Variants in SEM1 observed in about 807,000 individuals in gnomAD.
The protein encoded by SEM1 is 26S proteasome complex subunit SEM1.
A neutral mutation model predicts 12.7 loss-of-function variants in SEM1; 3 were observed. The ratio of observed to expected loss-of-function variants is 0.24; its 90% CI spans 0.11 to 0.61. The LOEUF (loss-of-function observed/expected upper bound fraction) is 0.61, where lower values mean the gene tolerates loss of function less well. Among genes scored for constraint, SEM1 ranks in the 20% least tolerant of loss-of-function variants. The pLI, the probability that SEM1 is intolerant of heterozygous loss-of-function variation, is 0.88. For missense variants in SEM1, 59 were observed against 81.3 expected, an observed-to-expected ratio of 0.73 and a Z score of 1.06; for synonymous variants, 30 against 27.8, an observed-to-expected ratio of 1.08 and a Z score of -0.25.
intron 1 of SEM1, chr7:96,708,111 T>C (rs1335178673): frequency 6.6e-6 from 1 of 152,186 alleles, no homozygotes; most frequent in African/African-American, 2.4e-5. Flanking sequence ...AAGAATGCTA[T>C]TTGAAGTATT....
At chr7:96,695,050 C>G in intron 1 of SEM1, 159 bp from the exon 2 acceptor site, 1 of 447,054 alleles carries the variant, frequency 2.2e-6, no homozygotes, top group South Asian at 6.0e-5. Context: ...CTTATGCTGT[C>G]TAGTTCTCTC....
chr7:96,664,758 C>T (rs1789122284), intron 2 of SEM1, among the ~76,000 whole-genome samples: 1 of 152,116 alleles, frequency 6.6e-6, no homozygotes, highest in Non-Finnish European at 1.5e-5. Flanking sequence ...TGTTCATAGC[C>T]ACATAGTGCA....
chr7:96,631,683 C>A (rs760460805), intron 2 of SEM1, among the ~76,000 whole-genome samples: 50 of 152,236 alleles, frequency 3.3e-4, no homozygotes, highest in Middle Eastern at 3.4e-3. Flanking sequence ...GCAATGGCAA[C>A]AAAAGCCAAA....
At position 96,483,538 on chromosome 7, in the gene SEM1, A is replaced by C. The variant is rs987323356; in HGVS notation, c.*321T>G. 122 of 339,710 alleles carry C rather than the reference A, an allele frequency of 3.6e-4. 2 individuals carry two copies. Among genetic ancestry groups the C allele is most frequent in the South Asian group, 1.3e-3 (47 of 37,292 alleles). The allele number at this position is 339,710 out of a possible 1,614,324, so 21.0% of individuals were successfully genotyped here. ...TTTCTCACTCACCCTACATGTCCAT[A>C]TTGCATCAGCTACAGACTCTACTGG... On this transcript the variant is annotated 3_prime_UTR_variant, in exon 4 of 4. Coordinates refer to the SEM1 transcript ENST00000356686.
chr7:96,607,577 A>C lies in SEM1; in HGVS notation c.170+87221T>G, dbSNP rs189585512. On this transcript the variant is annotated intron_variant and NMD_transcript_variant, in intron 2 of 3. Coordinates refer to the SEM1 transcript ENST00000466986. ...CTTAAGGACTTTATAATTCAATTGA[A>C]TAAAGTAGAGAAACAACTAGGTAAT... 6.4e-4 allele frequency among the ~76,000 whole-genome samples: 96 copies of C among 151,068 alleles called. 1 individual carries two copies. The highest frequency in any genetic ancestry group is 1.5e-4 in the Non-Finnish European group (10 of 67,870).
chr7:96,649,846 T>A (rs1222512242), intron 2 of SEM1: 1 of 152,050 alleles, frequency 6.6e-6, no homozygotes, highest in East Asian at 1.9e-4. Flanking sequence ...AAACCAAGAG[T>A]GAGAGAGGTT....
chr7:96,560,112 TTCCTA>T (rs749089822), intron 2 of SEM1, among the ~76,000 whole-genome samples: 228 of 152,336 alleles, frequency 1.5e-3, no homozygotes, highest in Non-Finnish European at 2.6e-3. Flanking sequence ...TTGCTTCAGA[TTCCTA>T]TTATAAATAG....
intron 2 of SEM1, among the ~76,000 whole-genome samples, chr7:96,683,206 T>C (rs1789667708): frequency 1.3e-5 from 2 of 150,010 alleles, no homozygotes; most frequent in Admixed American, 1.3e-4. Context: ...CTAGAAATAC[T>C]AGAAAAGTGG....
At chr7:96,607,618 C>CA (rs371320321) in intron 2 of SEM1, among the ~76,000 whole-genome samples, 1 of 734 alleles carries the variant, frequency 1.4e-3, no homozygotes, top group Admixed American at 0.071. Context: ...TAGCCAGCCA[C>CA]CCCACCTCAT....
chr7:96,614,831 T>C lies in SEM1; in HGVS notation c.170+79967A>G, dbSNP rs1345763676. On this transcript the variant is annotated intron_variant and NMD_transcript_variant, in intron 2 of 3. Transcript: ENST00000466986. ...GCCTTTTGCACAAATATATGTCATG[T>C]GCACACATATGTGCACACACACATA... is the stretch of plus-strand genomic sequence containing the variant. 2.6e-5 allele frequency among the ~76,000 whole-genome samples: 4 copies of C among 152,242 alleles called. No individual in the cohort carries two copies. In the East Asian group the frequency reaches 5.8e-4, roughly 22 times the overall value.
intron 2 of SEM1, among the ~76,000 whole-genome samples, chr7:96,605,857 T>G (rs1487839474): frequency 6.6e-6 from 1 of 152,190 alleles, no homozygotes; most frequent in Admixed American, 6.5e-5. Context: ...TTGCATTCTC[T>G]TCTGAGTAGT....
In SEM1 at chr7:96,487,417, T is replaced by A. The variant is rs1188338754; in HGVS notation, c.13-1000A>T. Among the ~76,000 whole-genome samples, 13 of 150,054 alleles carry A rather than the reference T, an allele frequency of 8.7e-5. 1 individual carries two copies. The highest frequency in any genetic ancestry group is 3.3e-4 in the African/African-American group (13 of 39,388). On this transcript the variant is annotated intron_variant, in intron 1 of 3. Transcript: ENST00000356686. ...GGACTTTTATCCAGTAATTTTCATT[T>A]AAAAATATTGCATTAAAATATTATT... is the stretch of plus-strand genomic sequence containing the variant.
At chr7:96,541,441 T>G (rs1377135549) in intron 2 of SEM1, among the ~76,000 whole-genome samples, 4 of 133,016 alleles carry the variant, frequency 3.0e-5, no homozygotes, top group Admixed American at 7.5e-5. Flanking sequence ...GTTTTTTTTT[T>G]TGTTTTTTTT....
At chr7:96,597,982 T>C (rs189967165) in intron 2 of SEM1, among the ~76,000 whole-genome samples, 1 of 152,290 alleles carries the variant, frequency 6.6e-6, no homozygotes, top group East Asian at 1.9e-4. Flanking sequence ...ACTAAACATA[T>C]CTTTGACTTA....
Position 96,610,156 on chromosome 7 carries a change from A to G in SEM1, c.170+84642T>C, listed in dbSNP as rs183150910. On this transcript the variant is annotated intron_variant and NMD_transcript_variant, in intron 2 of 3. Coordinates refer to the SEM1 transcript ENST00000466986. ...CTCTTGTTGCCCAGGCTGGAGTGCA[A>G]TGGCACAATCTCAGCTCACCGCAAC... 1.9e-4 allele frequency among the ~76,000 whole-genome samples: 29 copies of G among 151,836 alleles called. No homozygotes were observed. In the East Asian group the frequency reaches 5.2e-3, roughly 27 times the overall value.
At chr7:96,534,085 C>G (rs1804718274) in intron 2 of SEM1, among the ~76,000 whole-genome samples, 1 of 152,044 alleles carries the variant, frequency 6.6e-6, no homozygotes, top group Non-Finnish European at 1.5e-5. Flanking sequence ...GCTGGGTTTT[C>G]TTTTCATGGA....
At chr7:96,512,151 C>T (rs940706008) in intron 2 of SEM1, among the ~76,000 whole-genome samples, 2 of 152,098 alleles carry the variant, frequency 1.3e-5, no homozygotes, top group African/African-American at 2.4e-5. Flanking sequence ...TGCTTCCTGT[C>T]CCCACTCCAA....
At chr7:96,506,882 G>C (rs139399546) in intron 2 of SEM1, among the ~76,000 whole-genome samples, 1 of 151,996 alleles carries the variant, frequency 6.6e-6, no homozygotes, top group Non-Finnish European at 1.5e-5. Context: ...CAACAGTATT[G>C]TATATTAGTT....
At chr7:96,655,250 A>AAGTT (rs1809139060) in intron 2 of SEM1, among the ~76,000 whole-genome samples, 1 of 152,190 alleles carries the variant, frequency 6.6e-6, no homozygotes. Context: ...AAGGAAGCAG[A>AAGTT]AGTTAGAGGA....
Sources: gnomAD v4.1 joint callset for allele counts (sites outside exome capture counted in the v4.1 genomes callset) on GRCh38, gnomAD v4.1.1 for gene constraint, MANE v1.5 for transcripts, NCBI Gene and HGNC (gene_info 2026-07-23, HGNC 2026-07-21) for gene names.